Variants in IL7 observed in about 807,000 individuals in gnomAD.
IL7 encodes interleukin-7.
IL7 carries 3 observed loss-of-function variants against 21.6 expected under a neutral mutation model. The ratio of observed to expected loss-of-function variants is 0.14; its 90% confidence interval spans 0.06 to 0.36. The LOEUF (loss-of-function observed/expected upper bound fraction) is 0.36. IL7 is among the 10% of genes least tolerant of loss of function. IL7 has a pLI of 1.00. For missense variants in IL7, 175 were observed against 200.2 expected, an observed-to-expected ratio of 0.87 and a Z score of 0.76; for synonymous variants, 62 against 68.1, an observed-to-expected ratio of 0.91 and a Z score of 0.44.
intron 5 of IL7, 68 bp downstream of exon 5, chr8:78,736,406 G>T: frequency 1.1e-6 from 1 of 925,746 alleles, no homozygotes; most frequent in Non-Finnish European, 1.7e-6. Flanking sequence ...AATTCAAAAT[G>T]AAAAATTAGG....
At chr8:78,743,804 T>G (rs537662281) in intron 2 of IL7, among the ~76,000 whole-genome samples, 3 of 152,280 alleles carry the variant, frequency 2.0e-5, no homozygotes, top group Non-Finnish European at 4.4e-5. Flanking sequence ...ACCTTTTTTT[T>G]TCCCCCTGGC....
chr8:78,741,624 G>C (rs547972622), intron 2 of IL7, among the ~76,000 whole-genome samples: 1 of 152,154 alleles, frequency 6.6e-6, no homozygotes, highest in African/African-American at 2.4e-5. Flanking sequence ...GCTGTTCTAG[G>C]TTATTAATAA....
chr8:78,693,576 G>A lies in IL7; in HGVS notation n.215-7629C>T, dbSNP rs929985346. ...TATCCTTTGCCCACTTTTTGATGGG[G>A]TTGTTTGTTTTTTTCTTGTAAATTT... is the stretch of plus-strand genomic sequence containing the variant. On this transcript the variant is annotated intron_variant and non_coding_transcript_variant, in intron 3 of 4. Transcript: ENST00000523959. Among the ~76,000 whole-genome samples, 3 of 152,002 alleles carry A rather than the reference G, an allele frequency of 2.0e-5. No individual in the cohort carries two copies. In the East Asian group the frequency reaches 5.8e-4, roughly 29 times the overall value.
rs1813547893 is a variant in IL7 at position 78,787,396 on chromosome 8, G to A, written c.147+10676C>T. On this transcript the variant is annotated intron_variant, in intron 2 of 5. Transcript: ENST00000263851. ...CTTTGCAGAATTGATTCTTTGCTTA[G>A]AATATGAGGAAAAAAACTCTCACAC... 4.6e-5 allele frequency among the ~76,000 whole-genome samples: 7 copies of A among 152,206 alleles called. No individual in the cohort carries two copies. The South Asian group carries it at 1.5e-3, about 32-fold the overall frequency.
At position 78,698,396 on chromosome 8, in the gene IL7, A is replaced by G. The variant is rs1360676492; in HGVS notation, n.215-12449T>C. ...CTTTTTTAGAGTATTGTTAAAAATA[A>G]TGCTTTTTTATTATAAGGTGTTCCT... On this transcript the variant is annotated intron_variant and non_coding_transcript_variant, in intron 3 of 4. Transcript: ENST00000523959. 1.9e-6 allele frequency: 3 copies of G among 1,589,086 alleles called. 1 individual carries two copies. The South Asian group carries it at 3.4e-5, about 18-fold the overall frequency.
At chr8:78,686,460 TTTA>T (rs761263054) in intron 3 of IL7, 1 of 1,399,314 alleles carries the variant, frequency 7.1e-7, no homozygotes, top group South Asian at 1.8e-5. Flanking sequence ...TATTTATTTA[TTTA>T]TAGCCAGAAC....
intron 1 of IL7, among the ~76,000 whole-genome samples, chr8:78,799,742 C>A (rs1315844070): frequency 2.0e-5 from 3 of 151,948 alleles, no homozygotes; most frequent in Admixed American, 2.0e-4. Context: ...GGATGCTAAC[C>A]TGAATTTGTT....
At chr8:78,716,925 T>C (rs2130620428), downstream of IL7, among the ~76,000 whole-genome samples, 1 of 152,274 alleles carries the variant, frequency 6.6e-6, no homozygotes, top group East Asian at 1.9e-4. Context: ...ATGTAAGACA[T>C]GCTTGCTTCC....
chr8:78,757,136 C>T (rs1326599032), intron 2 of IL7, among the ~76,000 whole-genome samples: 2 of 151,414 alleles, frequency 1.3e-5, no homozygotes, highest in African/African-American at 2.4e-5. Context: ...TTCATTTTTT[C>T]ATTAATCTAA....
chr8:78,794,034 C>A (rs1813777504), intron 2 of IL7, among the ~76,000 whole-genome samples: 2 of 152,130 alleles, frequency 1.3e-5, no homozygotes, highest in Non-Finnish European at 2.9e-5. Context: ...AATTCTCTTG[C>A]TATTTCTACC....
In IL7 at chr8:78,698,731, G is replaced by A. The variant is rs1166462740; in HGVS notation, n.215-12784C>T. ...GGTATTAAAAGCCTTAGAAATCATA[G>A]CTTAAATTGAATAATTTTACTTCTG... On this transcript the variant is annotated intron_variant and non_coding_transcript_variant, in intron 3 of 4. Coordinates refer to the IL7 transcript ENST00000523959. Among the ~76,000 whole-genome samples, 3 of 152,212 alleles carry A rather than the reference G, an allele frequency of 2.0e-5. 1 individual carries two copies. Among genetic ancestry groups the A allele is most frequent in the Admixed American group, 2.0e-4 (3 of 15,296 alleles).
rs1810584305 is a variant in IL7, at chr8:78,700,982, T to C, written n.215-15035A>G. Reference sequence around the variant, plus strand: ...ATTACCTTGGCTAGTTTGACTCATTTTTTATTCTATATTAATGTTGAAATA... The same window carrying C: ...ATTACCTTGGCTAGTTTGACTCATTCTTTATTCTATATTAATGTTGAAATA... On this transcript the variant is annotated intron_variant and non_coding_transcript_variant, in intron 3 of 4. Transcript: ENST00000523959. Among the ~76,000 whole-genome samples the C allele has an allele frequency of 2.0e-5, 3 of 152,234 alleles. No homozygotes were observed. The South Asian group carries it at 6.2e-4, about 31-fold the overall frequency.
chr8:78,800,436 T>C (rs1162242943), intron 1 of IL7, among the ~76,000 whole-genome samples: 6 of 152,150 alleles, frequency 3.9e-5, no homozygotes, highest in Non-Finnish European at 7.4e-5. Flanking sequence ...TAGCTAGGAC[T>C]ACAGGGTGCC....
intron 2 of IL7, among the ~76,000 whole-genome samples, chr8:78,780,806 G>T (rs190459097): frequency 5.9e-5 from 9 of 152,240 alleles, no homozygotes; most frequent in Non-Finnish European, 7.4e-5. Context: ...CTGCCTCAAT[G>T]ATCTGTCTAA....
At chr8:78,731,838 T>C (rs1811430010), downstream of IL7, among the ~76,000 whole-genome samples, 1 of 152,066 alleles carries the variant, frequency 6.6e-6, no homozygotes, top group South Asian at 2.1e-4. Context: ...AATTCAAATC[T>C]ACTATAACAA....
chr8:78,726,604 A>G (rs759856322), intron 3 of IL7, among the ~76,000 whole-genome samples: 10 of 151,982 alleles, frequency 6.6e-5, no homozygotes, highest in Non-Finnish European at 1.0e-4. Context: ...ATTCCTCCCT[A>G]AAGTGGTCAC....
chr8:78,777,547 T>G (rs1563431840), intron 2 of IL7, among the ~76,000 whole-genome samples: 1 of 152,096 alleles, frequency 6.6e-6, no homozygotes, highest in Non-Finnish European at 1.5e-5. Context: ...CATTCACTAC[T>G]GCCTTTTATT....
downstream of IL7, among the ~76,000 whole-genome samples, chr8:78,713,627 A>T (rs1304742361): frequency 6.6e-6 from 1 of 152,176 alleles, no homozygotes; most frequent in Non-Finnish European, 1.5e-5. Context: ...TGAGCATTTG[A>T]AGAGGTGCAG....
At chr8:78,746,204 G>T (rs1477129577) in intron 2 of IL7, among the ~76,000 whole-genome samples, 2 of 152,202 alleles carry the variant, frequency 1.3e-5, no homozygotes, top group African/African-American at 4.8e-5. Flanking sequence ...AGAAATTGAT[G>T]CTTTCAGTAC....
Sources: allele counts gnomAD v4.1 joint callset (sites outside exome capture counted in the v4.1 genomes callset), GRCh38; gene constraint gnomAD v4.1.1; transcripts MANE v1.5; gene names NCBI Gene and HGNC (gene_info 2026-07-23, HGNC 2026-07-21).